Variants in SYTL2 observed in about 807,000 individuals in gnomAD.
SYTL2 encodes the protein synaptotagmin-like protein 2.
A neutral mutation model predicts 198.7 loss-of-function variants in SYTL2; 165 were observed. The observed-to-expected ratio is 0.83, with a 90% CI of 0.73 to 0.94. SYTL2 has a LOEUF of 0.94. SYTL2 is among the 40% of genes least tolerant of loss of function. The pLI is 0.00. For missense variants in SYTL2, 2,835 were observed against 2,582.8 expected, an observed-to-expected ratio of 1.10 and a Z score of -2.12; for synonymous variants, 966 against 917.7, an observed-to-expected ratio of 1.05 and a Z score of -0.95.
chr11:85,852,002 G>T, the SYTL2 span, among the ~76,000 whole-genome samples: 3 of 152,058 alleles, frequency 2.0e-5, no homozygotes, highest in Non-Finnish European at 4.4e-5. Flanking sequence ...ACTAAAGGGA[G>T]GTTAAAATGA....
chr11:85,795,972 C>T (rs1003079113), intron 1 of SYTL2, among the ~76,000 whole-genome samples: 4 of 152,242 alleles, frequency 2.6e-5, no homozygotes, highest in Admixed American at 2.0e-4. Flanking sequence ...GCTGTAAAAA[C>T]TCTGAGTAGG....
chr11:85,835,016 T>C, the SYTL2 span, among the ~76,000 whole-genome samples: 1 of 152,138 alleles, frequency 6.6e-6, no homozygotes, highest in Non-Finnish European at 1.5e-5. Flanking sequence ...CACTTCGGCC[T>C]TACAAAGTGC....
intron 7 of SYTL2, among the ~76,000 whole-genome samples, chr11:85,728,308 A>G (rs1053057673): frequency 6.6e-6 from 1 of 152,116 alleles, no homozygotes; most frequent in East Asian, 1.9e-4. Context: ...TTTTTTTGAG[A>G]TGGAGTCTCG....
chr11:85,833,355 TATATATATGAGATATATG>T, the SYTL2 span, among the ~76,000 whole-genome samples: 1 of 147,782 alleles, frequency 6.8e-6, no homozygotes, highest in East Asian at 1.9e-4. Flanking sequence ...ATATACACGA[TATATATATGAGATATATG>T]ATATATCTCA....
chr11:85,801,104 G>T (rs2092880344), intron 1 of SYTL2, among the ~76,000 whole-genome samples: 1 of 152,160 alleles, frequency 6.6e-6, no homozygotes, highest in African/African-American at 2.4e-5. Flanking sequence ...TCCCATAGAT[G>T]ATAGTTTTGT....
chr11:85,778,793 G>A (rs1035128702), intron 1 of SYTL2, among the ~76,000 whole-genome samples: 2 of 152,130 alleles, frequency 1.3e-5, no homozygotes, highest in African/African-American at 2.4e-5. Context: ...CCTGGGCCAC[G>A]TGGCAAAACC....
At chr11:85,797,998 T>C (rs1192806894) in intron 1 of SYTL2, among the ~76,000 whole-genome samples, 2 of 149,610 alleles carry the variant, frequency 1.3e-5, no homozygotes, top group African/African-American at 4.9e-5. Flanking sequence ...GGATTACAGG[T>C]GCACACCACT....
At chr11:85,774,119 A>G (rs1439126946) in intron 1 of SYTL2, among the ~76,000 whole-genome samples, 1 of 152,234 alleles carries the variant, frequency 6.6e-6, no homozygotes, top group Non-Finnish European at 1.5e-5. Flanking sequence ...TACTAATAAC[A>G]TTAAAAGTTA....
chr11:85,737,657 C>T lies in SYTL2; in HGVS notation c.390-1G>A. 3 of 1,612,028 alleles carry T rather than the reference C, an allele frequency of 1.9e-6. No individual in the cohort carries two copies. Among genetic ancestry groups the T allele is most frequent in the Non-Finnish European group, 1.7e-6 (2 of 1,178,378 alleles). On this transcript the variant is annotated splice_acceptor_variant, in intron 4 of 19. Transcript: ENST00000359152. LOFTEE classifies it high-confidence loss of function. ...GGAAGCTGGATTTACCACACTGGAA[C>T]TGCAAAAGAAACAATAATTCAGAGA...
In SYTL2 at chr11:85,765,515, G is replaced by A. The variant is rs796228022; in HGVS notation, c.-389-7401C>T. Among the ~76,000 whole-genome samples the A allele has an allele frequency of 5.3e-5, 8 of 152,320 alleles. No individual in the cohort carries two copies. The South Asian group carries it at 1.2e-3, about 24-fold the overall frequency. ...CTCCCAAAGTGCTGGGATTGCAGGC[G>A]TGAGCCACCGCGCCTGGCAGTTGCC... On this transcript the variant is annotated intron_variant, in intron 1 of 19. Coordinates refer to ENST00000359152, the MANE Select transcript of SYTL2 (RefSeq NM_206927.4).
At chr11:85,847,595 A>G in the SYTL2 span, among the ~76,000 whole-genome samples, 2 of 152,330 alleles carry the variant, frequency 1.3e-5, no homozygotes, top group South Asian at 4.1e-4. Context: ...TCAGGAATAT[A>G]TGAAAGTTCC....
At chr11:85,805,851 G>T (rs946394785) in intron 1 of SYTL2, among the ~76,000 whole-genome samples, 1 of 152,218 alleles carries the variant, frequency 6.6e-6, no homozygotes, top group African/African-American at 2.4e-5. Flanking sequence ...TGCATTTATA[G>T]AAAGAGGACA....
chr11:85,718,153 T>C (rs532414012), intron 10 of SYTL2: 2 of 168,394 alleles, frequency 1.2e-5, no homozygotes, highest in East Asian at 3.5e-4. Flanking sequence ...AATTCTGCAA[T>C]ATAAAAATCA....
chr11:85,806,101 T>C (rs949505906), intron 1 of SYTL2, among the ~76,000 whole-genome samples: 6 of 152,234 alleles, frequency 3.9e-5, no homozygotes, highest in African/African-American at 1.4e-4. Flanking sequence ...CTTTTATTTG[T>C]TCATTTATTA....
intron 1 of SYTL2, among the ~76,000 whole-genome samples, chr11:85,807,178 C>T (rs1044281414): frequency 2.6e-5 from 4 of 152,244 alleles, no homozygotes; most frequent in African/African-American, 9.6e-5. Context: ...GGCAAGCCTG[C>T]TTTCATTCTA....
chr11:85,752,203 T>TCTCCA (rs1372307625), intron 2 of SYTL2, among the ~76,000 whole-genome samples: 2 of 152,184 alleles, frequency 1.3e-5, no homozygotes, highest in African/African-American at 4.8e-5. Flanking sequence ...ACTGGTCTAT[T>TCTCCA]CTCCAGCCTT....
the SYTL2 span, among the ~76,000 whole-genome samples, chr11:85,846,048 T>TA: frequency 6.6e-6 from 1 of 152,222 alleles, no homozygotes; most frequent in Non-Finnish European, 1.5e-5. Context: ...CAGCTATACT[T>TA]AGAGGATGGA....
chr11:85,838,174 C>CCT, the SYTL2 span, among the ~76,000 whole-genome samples: 23,944 of 151,924 alleles, frequency 0.16, 2,051 homozygotes, highest in Middle Eastern at 0.2. Flanking sequence ...CTCTGACAAA[C>CCT]CTGTGTCAAA....
intron 1 of SYTL2, among the ~76,000 whole-genome samples, chr11:85,797,882 C>CTGTCCTTCTG (rs2153639979): frequency 1.3e-5 from 2 of 152,040 alleles, no homozygotes; most frequent in East Asian, 3.9e-4. Context: ...GAGAAGGAGT[C>CTGTCCTTCTG]TCACTCTGTC....
Sources: allele counts gnomAD v4.1 joint callset (sites outside exome capture counted in the v4.1 genomes callset), GRCh38; gene constraint gnomAD v4.1.1; transcripts MANE v1.5; gene names NCBI Gene and HGNC (gene_info 2026-07-23, HGNC 2026-07-21).